TSGA10IP: variants seen among roughly 807,000 people sequenced by gnomAD.
The protein encoded by TSGA10IP is testis-specific protein 10-interacting protein.
A neutral mutation model predicts 63.2 loss-of-function variants in TSGA10IP; 64 were observed. That is an observed-to-expected ratio of 1.01 (90% CI 0.83 to 1.25). TSGA10IP has a LOEUF of 1.25. Ranked by LOEUF, TSGA10IP falls within the 50% of genes most tolerant of loss-of-function variation. TSGA10IP has a pLI of 0.00. For synonymous variants in TSGA10IP, 316 were observed against 298.3 expected (o/e 1.06, Z -0.61); for missense variants, 681 against 710.1 (o/e 0.96, Z 0.47).
chr11:65,958,542 C>T (rs1855063457), intron 5 of TSGA10IP, among the ~76,000 whole-genome samples: 1 of 152,136 alleles, frequency 6.6e-6, no homozygotes, highest in Non-Finnish European at 1.5e-5. Flanking sequence ...GCTATGTAAG[C>T]ACGTGTCTGG....
chr11:65,945,610 G>A lies in TSGA10IP; in HGVS notation c.-66G>A. 6.4e-7 allele frequency: 1 copy of A among 1,573,338 alleles called. No homozygotes were observed. Among genetic ancestry groups the A allele is most frequent in the East Asian group, 2.3e-5 (1 of 44,380 alleles). On this transcript the variant is annotated 5_prime_UTR_variant, in exon 1 of 8. The change abolishes the stop of an existing upstream ORF in the 5' untranslated region. Transcript: ENST00000532620. ...TTTGCCAGACCCATTGAGACTGGCT[G>A]AGGACTGGTTGCCATAGAGATGGCC...
In TSGA10IP at chr11:65,945,724, ACCCCGTCGGTG is replaced by A. The variant is rs571685707; in HGVS notation, c.51_61del (p.Pro18ThrfsTer35). 1.0e-3 allele frequency: 1,620 copies of A among 1,613,922 alleles called. 14 individuals are homozygous for A. The African/African-American group carries it at 0.018, about 18-fold the overall frequency. The stretch of plus-strand genomic sequence containing the variant: ...AAATACCTACCAACAGTTGGTTAGG[ACCCCGTCGGTG>A]CGACCAGGGCAGGACGTGCGGCTCC... On this transcript the variant is annotated frameshift_variant, in exon 1 of 8. Transcript: ENST00000532620. LOFTEE classifies it high-confidence loss of function.
chr11:65,957,384 C>T (rs866686708), intron 5 of TSGA10IP, among the ~76,000 whole-genome samples: 3 of 152,150 alleles, frequency 2.0e-5, no homozygotes, highest in East Asian at 1.9e-4. Flanking sequence ...CTCCTGACCT[C>T]GAGATCTGCC....
intron 5 of TSGA10IP, among the ~76,000 whole-genome samples, chr11:65,955,930 G>A (rs1467065274): frequency 6.6e-6 from 1 of 152,088 alleles, no homozygotes; most frequent in Admixed American, 6.6e-5. Context: ...CCAAACCAAT[G>A]ACACATGTAA....
At chr11:65,948,242 ATTTC>A (rs1279330114) in intron 4 of TSGA10IP, 94 bp downstream of exon 4, 48 of 1,414,684 alleles carry the variant, frequency 3.4e-5, no homozygotes, top group Non-Finnish European at 4.0e-5. Flanking sequence ...ACTCTCATTC[ATTTC>A]TTTATTTATC....
intron 7 of TSGA10IP, 100 bp downstream of exon 7, chr11:65,959,414 A>G: frequency 6.6e-7 from 1 of 1,506,850 alleles, no homozygotes; most frequent in Non-Finnish European, 8.9e-7. Flanking sequence ...CCCCCAGGAC[A>G]GGCAGAGAGC....
chr11:65,950,763 T>C (rs1854928924), intron 4 of TSGA10IP, among the ~76,000 whole-genome samples: 1 of 152,004 alleles, frequency 6.6e-6, no homozygotes, highest in South Asian at 2.1e-4. Flanking sequence ...GGGGTTTCAC[T>C]GTGTTAGCCA....
intron 4 of TSGA10IP, among the ~76,000 whole-genome samples, chr11:65,952,317 T>C (rs1854956308): frequency 6.6e-6 from 1 of 152,218 alleles, no homozygotes; most frequent in African/African-American, 2.4e-5. Flanking sequence ...GCTTTTCAGT[T>C]TGATGCAACT....
intron 5 of TSGA10IP, among the ~76,000 whole-genome samples, chr11:65,957,763 C>T (rs111286031): frequency 2.6e-5 from 4 of 152,016 alleles, no homozygotes; most frequent in African/African-American, 9.7e-5. Flanking sequence ...CTCTTGTCTG[C>T]GTCTTCCCTC....
Position 65,945,570 on chromosome 11 carries a change from CT to C in TSGA10IP, c.-104del, listed in dbSNP as rs1490931449. ...TTGGCCTCACATACCCCACTGACCCCTTCCTAGCATGCTTTTTGCCAGACCC... is the reference window on the plus strand; with the variant it reads ...TTGGCCTCACATACCCCACTGACCCCTCCTAGCATGCTTTTTGCCAGACCC... On this transcript the variant is annotated 5_prime_UTR_variant, in exon 1 of 8. An upstream open reading frame in the 5' UTR loses its in-frame stop. Coordinates refer to ENST00000532620, the Ensembl canonical transcript of TSGA10IP. 7.4e-7 allele frequency: 1 copy of C among 1,346,954 alleles called. No individual in the cohort carries two copies. The highest frequency in any genetic ancestry group is 1.0e-6 in the Non-Finnish European group (1 of 975,238). 83.4% of individuals were successfully genotyped at this position (1,346,954 alleles called of 1,614,324 possible).
At chr11:65,945,792 G>A in exon 1 of TSGA10IP, 3 of 1,614,004 alleles carry the variant, frequency 1.9e-6, no homozygotes, top group Non-Finnish European at 2.5e-6. Flanking sequence ...GGCTGCTCAA[G>A]CTGCTGTCGA....
intron 4 of TSGA10IP, among the ~76,000 whole-genome samples, chr11:65,949,871 T>TTTTC (rs60464397): frequency 6.8e-6 from 1 of 146,424 alleles, no homozygotes; most frequent in Non-Finnish European, 1.5e-5. Context: ...TTTTTTTTTT[T>TTTTC]GAGACAGAGT....
At chr11:65,950,150 C>T (rs935659920) in intron 4 of TSGA10IP, among the ~76,000 whole-genome samples, 13 of 151,832 alleles carry the variant, frequency 8.6e-5, no homozygotes, top group African/African-American at 3.1e-4. Context: ...CACTCCCGGT[C>T]TTACTTGATT....
At chr11:65,947,073 T>C in intron 2 of TSGA10IP, 37 bp from the exon 3 acceptor site, 1 of 1,609,584 alleles carries the variant, frequency 6.2e-7, no homozygotes, top group Non-Finnish European at 8.5e-7. Flanking sequence ...CTCTGGGGGC[T>C]GGCGCCGACC....
At chr11:65,945,728 C>T (rs779484953) in exon 1 of TSGA10IP, 15 of 1,610,642 alleles carry the variant, frequency 9.3e-6, no homozygotes, top group Middle Eastern at 1.6e-4. Flanking sequence ...GTTAGGACCC[C>T]GTCGGTGCGA....
intron 5 of TSGA10IP, among the ~76,000 whole-genome samples, chr11:65,954,290 C>T (rs1214592346): frequency 1.3e-5 from 2 of 151,864 alleles, no homozygotes; most frequent in South Asian, 2.1e-4. Flanking sequence ...CTCAGTCTCC[C>T]GAGTAGCTGA....
At chr11:65,957,997 A>G (rs1026579066) in intron 5 of TSGA10IP, among the ~76,000 whole-genome samples, 2 of 152,234 alleles carry the variant, frequency 1.3e-5, no homozygotes, top group African/African-American at 4.8e-5. Flanking sequence ...TCTGTTGCCC[A>G]GGCTGGAGTG....
At chr11:65,959,408 C>A in intron 7 of TSGA10IP, 94 bp downstream of exon 7, 3 of 1,517,264 alleles carry the variant, frequency 2.0e-6, no homozygotes, top group South Asian at 1.3e-5. Context: ...GGGCCTCCCC[C>A]AGGACAGGCA....
At chr11:65,954,780 T>C (rs1453542006) in intron 5 of TSGA10IP, among the ~76,000 whole-genome samples, 3 of 141,282 alleles carry the variant, frequency 2.1e-5, no homozygotes, top group Admixed American at 1.5e-4. Context: ...ATTGAGCCAC[T>C]ACACTCCAGC....
Sources: gnomAD v4.1 joint callset for allele counts (sites outside exome capture counted in the v4.1 genomes callset) on GRCh38, gnomAD v4.1.1 for gene constraint, MANE v1.5 for transcripts, NCBI Gene and HGNC (gene_info 2026-07-23, HGNC 2026-07-21) for gene names.